The following PKD1L3 variants were observed in gnomAD, a reference collection of about 807,000 sequenced individuals.
The protein encoded by PKD1L3 is polycystin-1-like protein 3.
In PKD1L3, 239 loss-of-function variants were observed where a neutral mutation model predicts 184.1. That is an observed-to-expected ratio of 1.30 (90% CI 1.17 to 1.45). The LOEUF is 1.45. Ranked by LOEUF, PKD1L3 falls within the 40% of genes most tolerant of loss-of-function variation. The pLI is 0.00. For missense variants in PKD1L3, 2,660 were observed against 2,067.2 expected, an observed-to-expected ratio of 1.29 and a Z score of -5.56; for synonymous variants, 996 against 778.8, an observed-to-expected ratio of 1.28 and a Z score of -4.64.
Position 71,942,869 on chromosome 16 carries a change from G to A in PKD1L3, c.4015C>T (p.Leu1339Phe). The A allele has an allele frequency of 1.3e-6, 2 of 1,551,666 alleles. No homozygotes were observed. The highest frequency in any genetic ancestry group is 1.7e-6 in the Non-Finnish European group (2 of 1,146,970). ...TAATCCCCATACAGGCTAGGAAGAA[G>A]GATATGATTGGCCCAGGGGTAGAAA... ...QDFYPWANHI[L>F]LPSLYGDYRG... Residue 1339 changes from leucine to phenylalanine, a missense_variant, in exon 24 of 30, where the codon CTT becomes TTT. Transcript: ENST00000620267.
rs1386102054 is a variant in PKD1L3, at chr16:71,942,582, A to T, written c.4302T>A (p.Asn1434Lys). ...LHERLTSKNE[N>K]GFSYIMRGAF... ...TACCTCTCATGATGTAACTGAATCC[A>T]TTCTCATTCTTGCTTGTCAGCCTTT... The change falls in exon 24 of 30, where the codon AAT becomes AAA. Residue 1434 changes from asparagine to lysine, a missense_variant. By Grantham distance (94) the Asn-to-Lys change is moderately conservative. Transcript: ENST00000620267. 2 of 1,551,544 alleles carry T rather than the reference A, an allele frequency of 1.3e-6. No individual in the cohort carries two copies. Among genetic ancestry groups the T allele is most frequent in the East Asian group, 4.9e-5 (2 of 40,914 alleles).
intron 24 of PKD1L3, among the ~76,000 whole-genome samples, 176 bp downstream of exon 24, chr16:71,942,384 G>T (rs142487823): frequency 6.6e-6 from 1 of 151,848 alleles, no homozygotes; most frequent in Admixed American, 6.6e-5. Flanking sequence ...AGATAAATTA[G>T]AATCTAATGT....
chr16:71,967,044 C>G (rs1264577857), intron 15 of PKD1L3, 93 bp downstream of exon 15: 1 of 1,362,670 alleles, frequency 7.3e-7, no homozygotes, highest in Non-Finnish European at 9.9e-7. Context: ...CTATTTGGCT[C>G]AAAGCTTTAC....
intron 24 of PKD1L3, among the ~76,000 whole-genome samples, chr16:71,941,863 C>T (rs1011768747): frequency 3.3e-5 from 5 of 151,066 alleles, no homozygotes; most frequent in African/African-American, 1.2e-4. Flanking sequence ...GGATTACAGG[C>T]ATGAGCCACC....
intron 3 of PKD1L3, chr16:71,991,325 C>G: frequency 4.5e-6 from 1 of 220,958 alleles, no homozygotes; most frequent in Middle Eastern, 5.1e-4. Flanking sequence ...CCGAGTCAAC[C>G]ACACCCACCA....
intron 25 of PKD1L3, among the ~76,000 whole-genome samples, chr16:71,936,042 T>C (rs10852506): frequency 0.38 from 58,283 of 151,732 alleles, 11,538 homozygotes; most frequent in South Asian, 0.55. Context: ...GTGATCTGCC[T>C]ACCTCAGCCT....
chr16:71,969,986 G>T lies in PKD1L3; in HGVS notation c.2073C>A (p.Phe691Leu), dbSNP rs768507548. The change falls in exon 13 of 30, where the codon TTC becomes TTA. Residue 691 changes from phenylalanine to leucine, a missense_variant. Transcript: ENST00000620267. The stretch of plus-strand genomic sequence containing the variant: ...CAACAGGATTGTTGGTCACGCGAAG[G>T]AACAGTTTGATCGTGTCTTCAACAT... Reference protein sequence around the residue: ...TVNVEDTIKLFLRVTNNPVGV... With the variant: ...TVNVEDTIKLLLRVTNNPVGV... 1.3e-6 allele frequency: 2 copies of T among 1,551,786 alleles called. No individual in the cohort carries two copies. The highest frequency in any genetic ancestry group is 8.7e-7 in the Non-Finnish European group (1 of 1,147,034).
At chr16:71,940,887 G>C (rs965129486) in intron 24 of PKD1L3, among the ~76,000 whole-genome samples, 5 of 151,316 alleles carry the variant, frequency 3.3e-5, no homozygotes, top group Admixed American at 2.6e-4. Context: ...CCAGGCTGGA[G>C]TGCACTGGTA....
At chr16:71,930,322 A>C in intron 28 of PKD1L3, 139 bp from the exon 29 acceptor site, 1 of 835,232 alleles carries the variant, frequency 1.2e-6, no homozygotes. Context: ...TCAAAAGATA[A>C]TAAGAAGGAA....
chr16:71,993,581 A>C (rs534020766), intron 2 of PKD1L3, among the ~76,000 whole-genome samples: 1 of 152,294 alleles, frequency 6.6e-6, no homozygotes, highest in East Asian at 1.9e-4. Context: ...ATTTATGCCT[A>C]GTGTTCCATT....
At chr16:71,936,508 CTTTT>C (rs1212505095) in intron 25 of PKD1L3, among the ~76,000 whole-genome samples, 1 of 135,598 alleles carries the variant, frequency 7.4e-6, no homozygotes, top group African/African-American at 2.7e-5. Context: ...TGGCCAATCA[CTTTT>C]TTTTTTCTTT....
At chr16:71,939,231 G>C (rs1399098148) in intron 24 of PKD1L3, among the ~76,000 whole-genome samples, 1 of 152,252 alleles carries the variant, frequency 6.6e-6, no homozygotes, top group Non-Finnish European at 1.5e-5. Context: ...CAGCGTGCCT[G>C]GCTGTGTGCA....
Position 71,935,535 on chromosome 16 carries a change from C to G in PKD1L3, c.4453-17G>C. On this transcript the variant is annotated splice_polypyrimidine_tract_variant and intron_variant, in intron 25 of 29. Coordinates refer to ENST00000620267, the MANE Select transcript of PKD1L3 (RefSeq NM_181536.2). ...CTGACAACCCTAAACATAGACAGCA[C>G]AGTCACTGTTGCTTGTCTGAGAGAT... is the stretch of plus-strand genomic sequence containing the variant. 1.3e-6 allele frequency: 2 copies of G among 1,549,812 alleles called. No individual in the cohort carries two copies. Among genetic ancestry groups the G allele is most frequent in the South Asian group, 2.4e-5 (2 of 83,858 alleles).
chr16:71,986,916 T>TGG (rs1331429764), intron 4 of PKD1L3, among the ~76,000 whole-genome samples: 47 of 37,554 alleles, frequency 1.3e-3, no homozygotes, highest in African/African-American at 2.4e-3. Context: ...AGGAGAGGAT[T>TGG]TTTTTTTTTT....
chr16:71,983,599 A>G (rs904043582), intron 6 of PKD1L3, among the ~76,000 whole-genome samples: 1 of 151,436 alleles, frequency 6.6e-6, no homozygotes, highest in Admixed American at 6.6e-5. Flanking sequence ...TATGCTTGCT[A>G]AAATTTAAAT....
At chr16:71,985,112 T>G (rs1332265195) in intron 5 of PKD1L3, among the ~76,000 whole-genome samples, 1 of 152,228 alleles carries the variant, frequency 6.6e-6, no homozygotes, top group Non-Finnish European at 1.5e-5. Context: ...CTTGATTAAA[T>G]GCTGACATTG....
rs533914031 is a variant in PKD1L3 at position 71,990,333 on chromosome 16, T to C, written c.536-4A>G. On this transcript the variant is annotated splice_region_variant and splice_polypyrimidine_tract_variant and intron_variant, in intron 3 of 29. Transcript: ENST00000620267. ...GTGGTTGGAAGATGACCAGGTCCTA[T>C]AGAAAAAAGAAAGCAGACTAAGTTC... 28 of 1,545,348 alleles carry C rather than the reference T, an allele frequency of 1.8e-5. No individual in the cohort carries two copies. The highest frequency in any genetic ancestry group is 8.2e-5 in the African/African-American group (6 of 72,968).
intron 2 of PKD1L3, among the ~76,000 whole-genome samples, chr16:71,997,446 C>T (rs2143910321): frequency 6.7e-6 from 1 of 150,052 alleles, no homozygotes; most frequent in East Asian, 2.0e-4. Context: ...ACTCCACCGT[C>T]TCCACATAAA....
chr16:71,965,417 A>G (rs2039464128), intron 15 of PKD1L3, among the ~76,000 whole-genome samples: 1 of 152,150 alleles, frequency 6.6e-6, no homozygotes, highest in South Asian at 2.1e-4. Flanking sequence ...TTTCTGGGTC[A>G]CATGGTCAGT....
Sources: gnomAD v4.1 joint callset for allele counts (sites outside exome capture counted in the v4.1 genomes callset) on GRCh38, gnomAD v4.1.1 for gene constraint, MANE v1.5 for transcripts, NCBI Gene and HGNC (gene_info 2026-07-23, HGNC 2026-07-21) for gene names.